Variants in PTPRD observed in about 807,000 individuals in gnomAD.
The protein encoded by PTPRD is receptor-type tyrosine-protein phosphatase delta.
A neutral mutation model predicts 214.5 loss-of-function variants in PTPRD; 34 were observed. The ratio of observed to expected loss-of-function variants is 0.16; its 90% CI spans 0.12 to 0.21. The LOEUF is 0.21. PTPRD is among the 10% of genes least tolerant of loss of function. The probability of loss-of-function intolerance (pLI) is 1.00; values close to 1 mark genes in which losing one functional copy is unlikely to be tolerated. For missense variants in PTPRD, 2,545 were observed against 2,398.7 expected, an observed-to-expected ratio of 1.06 and a Z score of -1.27; for synonymous variants, 1,128 against 845.7, an observed-to-expected ratio of 1.33 and a Z score of -5.79.
chr9:9,480,489 T>C (rs1042782692), intron 8 of PTPRD, among the ~76,000 whole-genome samples: 19 of 152,158 alleles, frequency 1.2e-4, no homozygotes, highest in African/African-American at 4.3e-4. Flanking sequence ...GCAATAAAAC[T>C]GAGCTAAAAC....
At chr9:10,380,717 T>G (rs2097802683) in intron 2 of PTPRD, among the ~76,000 whole-genome samples, 1 of 152,006 alleles carries the variant, frequency 6.6e-6, no homozygotes, top group African/African-American at 2.4e-5. Flanking sequence ...TAAATTGAAA[T>G]ATGAACATAA....
intron 11 of PTPRD, among the ~76,000 whole-genome samples, chr9:8,895,898 C>T (rs991447097): frequency 2.0e-5 from 3 of 152,190 alleles, no homozygotes; most frequent in African/African-American, 7.2e-5. Context: ...CCGAATAGCA[C>T]TTGTTAATTC....
At chr9:9,404,385 G>A (rs2072331202) in intron 8 of PTPRD, among the ~76,000 whole-genome samples, 1 of 152,094 alleles carries the variant, frequency 6.6e-6, no homozygotes, top group Non-Finnish European at 1.5e-5. Context: ...GAAAACTGGA[G>A]AGATTGGTAT....
At chr9:9,743,877 G>T (rs2098432573) in intron 6 of PTPRD, among the ~76,000 whole-genome samples, 2 of 151,884 alleles carry the variant, frequency 1.3e-5, no homozygotes, top group African/African-American at 4.8e-5. Flanking sequence ...AAGAAAATAT[G>T]CAGGCTAATT....
chr9:9,662,130 G>T (rs960690258), intron 7 of PTPRD, among the ~76,000 whole-genome samples: 1 of 151,666 alleles, frequency 6.6e-6, no homozygotes, highest in Non-Finnish European at 1.5e-5. Flanking sequence ...GTAAAGAACT[G>T]TGTAATTCTT....
chr9:8,355,907 C>G (rs908799511), intron 39 of PTPRD, among the ~76,000 whole-genome samples: 1 of 152,116 alleles, frequency 6.6e-6, no homozygotes, highest in Non-Finnish European at 1.5e-5. Context: ...ACATTGCTAA[C>G]ATTTTTATAT....
intron 10 of PTPRD, among the ~76,000 whole-genome samples, chr9:9,026,648 G>A (rs945921673): frequency 5.3e-5 from 8 of 151,332 alleles, no homozygotes; most frequent in African/African-American, 1.9e-4. Context: ...GATTTTTTTT[G>A]TTTCTATTTC....
chr9:10,503,739 C>T (rs1287820987), intron 2 of PTPRD, among the ~76,000 whole-genome samples: 1 of 151,790 alleles, frequency 6.6e-6, no homozygotes, highest in Non-Finnish European at 1.5e-5. Flanking sequence ...GTGGGTGAGA[C>T]AATTATACGT....
chr9:8,656,603 G>A (rs913901144), intron 12 of PTPRD, among the ~76,000 whole-genome samples: 26 of 152,158 alleles, frequency 1.7e-4, no homozygotes, highest in African/African-American at 6.3e-4. Context: ...CCAAGCATTT[G>A]AAGGCCACTC....
At position 8,317,067 on chromosome 9, in the gene PTPRD, A is replaced by G. The variant is rs1432119521; in HGVS notation, c.*807T>C. On this transcript the variant is annotated 3_prime_UTR_variant, in exon 46 of 46. Transcript: ENST00000381196. The stretch of plus-strand genomic sequence containing the variant: ...ATAATAATTATCTTTGATTATTTGA[A>G]GAGAATGGGTACTTTCTCACCAATC... 3.9e-5 allele frequency: 9 copies of G among 231,436 alleles called. No homozygotes were observed. Among genetic ancestry groups the G allele is most frequent in the African/African-American group, 2.0e-4 (9 of 44,910 alleles). The allele number at this position is 231,436 out of a possible 1,614,324, so 14.3% of individuals were successfully genotyped here.
rs887082175 is a variant in PTPRD, at chr9:8,329,562, G to A, written c.5534+2020C>T. On this transcript the variant is annotated intron_variant, in intron 44 of 45. Transcript: ENST00000381196. ...AACACTGCACTGGGAGAAATGCTGC[G>A]CTCATCAGAGCTGCCAGGTGGGGAT... Among the ~76,000 whole-genome samples the A allele has an allele frequency of 1.3e-4, 20 of 152,208 alleles. No homozygotes were observed. The East Asian group carries it at 1.6e-3, about 12-fold the overall frequency.
intron 8 of PTPRD, among the ~76,000 whole-genome samples, chr9:9,480,323 G>C (rs1339175117): frequency 6.6e-6 from 1 of 152,046 alleles, no homozygotes; most frequent in Non-Finnish European, 1.5e-5. Context: ...TGCTCACAAG[G>C]GAGAAAAGGC....
At chr9:9,366,526 A>G (rs1236344250) in intron 9 of PTPRD, among the ~76,000 whole-genome samples, 3 of 151,528 alleles carry the variant, frequency 2.0e-5, no homozygotes, top group Non-Finnish European at 3.0e-5. Context: ...TCTGCTCTAT[A>G]GGGTTTGAGA....
chr9:8,561,537 G>A (rs563645873), intron 14 of PTPRD, among the ~76,000 whole-genome samples: 194 of 152,240 alleles, frequency 1.3e-3, no homozygotes, highest in African/African-American at 4.3e-3. Context: ...GGGCCAAGCC[G>A]GTGTACAAGC....
intron 14 of PTPRD, among the ~76,000 whole-genome samples, chr9:8,605,633 T>C (rs2095162795): frequency 6.6e-6 from 1 of 152,170 alleles, no homozygotes. Flanking sequence ...AATATAAAAC[T>C]TTCAAGATAC....
chr9:9,682,834 A>G (rs2097100003), intron 7 of PTPRD, among the ~76,000 whole-genome samples: 1 of 151,714 alleles, frequency 6.6e-6, no homozygotes, highest in African/African-American at 2.4e-5. Flanking sequence ...GTACTACAGC[A>G]TTTTTCTCAG....
At chr9:9,095,930 C>T (rs1448920223) in intron 10 of PTPRD, among the ~76,000 whole-genome samples, 1 of 152,106 alleles carries the variant, frequency 6.6e-6, no homozygotes, top group African/African-American at 2.4e-5. Context: ...CACAAAAGAA[C>T]GAGATCTTGC....
At chr9:9,315,994 A>G (rs894391521) in intron 9 of PTPRD, among the ~76,000 whole-genome samples, 13 of 151,978 alleles carry the variant, frequency 8.6e-5, no homozygotes, top group African/African-American at 2.9e-4. Context: ...CCACATAAAC[A>G]AAATAAAGTA....
intron 10 of PTPRD, among the ~76,000 whole-genome samples, chr9:9,076,792 CTT>C (rs34543317): frequency 1.3e-4 from 19 of 143,910 alleles, no homozygotes; most frequent in African/African-American, 2.5e-4. Context: ...TGATAATTTC[CTT>C]TTTTTTTTTT....
Sources: allele counts gnomAD v4.1 joint callset (sites outside exome capture counted in the v4.1 genomes callset), GRCh38; gene constraint gnomAD v4.1.1; transcripts MANE v1.5; gene names NCBI Gene and HGNC (gene_info 2026-07-23, HGNC 2026-07-21).